The following WDR1 variants were observed in gnomAD, a reference collection of about 807,000 sequenced individuals.
WDR1 encodes the protein WD repeat-containing protein 1.
Under a neutral mutation model 71.9 loss-of-function variants are expected in WDR1, and 21 were observed. The ratio of observed to expected loss-of-function variants is 0.29; its 90% CI spans 0.21 to 0.42. The LOEUF is 0.42. WDR1 is among the 10% of genes least tolerant of loss of function. The pLI is 1.00. For synonymous variants in WDR1, 424 were observed against 347.4 expected, an observed-to-expected ratio of 1.22 and a Z score of -2.45; for missense variants, 696 against 824.5, an observed-to-expected ratio of 0.84 and a Z score of 1.91.
chr4:10,113,564 TTG>T (rs1164107564), intron 2 of WDR1, among the ~76,000 whole-genome samples: 1 of 151,274 alleles, frequency 6.6e-6, no homozygotes, highest in Admixed American at 6.6e-5. Flanking sequence ...GAGGCCTGTC[TTG>T]TGTTTCAGCC....
At position 10,084,534 on chromosome 4, in the gene WDR1, T is replaced by C. The variant is rs982897596; in HGVS notation, c.952-4A>G. Reference sequence around the variant, plus strand: ...ACTGGATCGATTTACTGTGACCCTGTGAAGGAGACACACTGGGCGGGTAAG... The same window carrying C: ...ACTGGATCGATTTACTGTGACCCTGCGAAGGAGACACACTGGGCGGGTAAG... On this transcript the variant is annotated splice_polypyrimidine_tract_variant and splice_region_variant and intron_variant, in intron 8 of 14. Transcript: ENST00000499869. 2 of 1,613,550 alleles carry C rather than the reference T, an allele frequency of 1.2e-6. No individual in the cohort carries two copies. The highest frequency in any genetic ancestry group is 2.7e-5 in the African/African-American group (2 of 74,918).
chr4:10,099,021 C>A lies in WDR1; in HGVS notation c.348G>T (p.Arg116Ser), dbSNP rs1553922409. Residue 116 changes from arginine to serine, a missense_variant, in exon 4 of 15, where the codon AGG (arginine) becomes AGT (serine). Physicochemically the swap from Arg to Ser is moderately radical, Grantham distance 110. Coordinates refer to ENST00000499869, the MANE Select transcript of WDR1 (RefSeq NM_017491.5). ...CCCTTCCTTCCCCGACCACGGCGAT[C>A]CTCTTACTGTCTTCAGTCCAAGCAA... ...KDIAWTEDSKRIAVVGEGREK... is the reference protein window; with the variant it reads ...KDIAWTEDSKSIAVVGEGREK... 6.2e-7 allele frequency: 1 copy of A among 1,614,046 alleles called. No individual in the cohort carries two copies.
At chr4:10,075,788 GGAGT>G (rs1161238553) in intron 14 of WDR1, 2 of 494,066 alleles carry the variant, frequency 4.0e-6, no homozygotes, top group African/African-American at 1.9e-5. Context: ...AAGTTCCACA[GGAGT>G]GAAATAACAA....
chr4:10,116,388 A>G, intron 1 of WDR1, 154 bp from the exon 2 acceptor site: 1 of 1,178,906 alleles, frequency 8.5e-7, no homozygotes, highest in Non-Finnish European at 1.2e-6. Context: ...GAACCGCGCG[A>G]CTTCCTGGTC....
chr4:10,095,716 GTGGA>G (rs1165298090), intron 5 of WDR1, among the ~76,000 whole-genome samples: 2 of 152,364 alleles, frequency 1.3e-5, no homozygotes, highest in African/African-American at 4.8e-5. Flanking sequence ...TCCTGAGCAT[GTGGA>G]TGGTCACTGC....
intron 5 of WDR1, chr4:10,092,645 G>T (rs1712070918): frequency 4.0e-6 from 1 of 248,638 alleles, no homozygotes; most frequent in Non-Finnish European, 8.1e-6. Context: ...GAGTCCAAAT[G>T]CAGACACTGA....
At chr4:10,087,381 T>A (rs1711654155) in intron 8 of WDR1, among the ~76,000 whole-genome samples, 1 of 152,236 alleles carries the variant, frequency 6.6e-6, no homozygotes, top group Non-Finnish European at 1.5e-5. Context: ...GCACTCCCAA[T>A]TCAGGGAAGG....
At chr4:10,104,861 G>A (rs1712925442) in intron 2 of WDR1, among the ~76,000 whole-genome samples, 1 of 152,144 alleles carries the variant, frequency 6.6e-6, no homozygotes, top group Admixed American at 6.5e-5. Flanking sequence ...CCAGCTTGAG[G>A]CTTAGGACAC....
At chr4:10,080,218 A>G (rs1407269808) in intron 11 of WDR1, among the ~76,000 whole-genome samples, 1 of 152,212 alleles carries the variant, frequency 6.6e-6, no homozygotes, top group Non-Finnish European at 1.5e-5. Context: ...AGGGTGGCCT[A>G]TGATGACCAC....
At chr4:10,092,842 C>A (rs1440606913) in intron 5 of WDR1, 2 of 372,824 alleles carry the variant, frequency 5.4e-6, no homozygotes, top group African/African-American at 4.2e-5. Flanking sequence ...TCACCGGCCC[C>A]CTGCCTCTGC....
intron 3 of WDR1, among the ~76,000 whole-genome samples, chr4:10,100,545 G>A (rs1712624268): frequency 6.6e-6 from 1 of 152,248 alleles, no homozygotes; most frequent in Non-Finnish European, 1.5e-5. Context: ...CCTCTGAGAT[G>A]AGGGAGATGC....
Position 10,116,717 on chromosome 4 carries a change from C to T in WDR1, c.-51G>A. The T allele has an allele frequency of 7.6e-7, 1 of 1,318,240 alleles. No individual in the cohort carries two copies. The highest frequency in any genetic ancestry group is 9.7e-7 in the Non-Finnish European group (1 of 1,030,766). The allele number at this position is 1,318,240 out of a possible 1,614,324, so 81.7% of individuals were successfully genotyped here. On this transcript the variant is annotated 5_prime_UTR_variant, in exon 1 of 15. Coordinates refer to ENST00000499869, the MANE Select transcript of WDR1 (RefSeq NM_017491.5). ...GCTCGCCGAGAGCCTCCGGGGCCGG[C>T]CCGCGCTGCGAATTACACCTCGCCG...
chr4:10,106,406 G>C (rs1327992041), intron 2 of WDR1: 1 of 152,328 alleles, frequency 6.6e-6, no homozygotes, highest in Non-Finnish European at 1.5e-5. Context: ...GCCCCTCCAA[G>C]ACCCTGTTCG....
At chr4:10,082,661 C>G (rs1765063913) in intron 10 of WDR1, among the ~76,000 whole-genome samples, 1 of 152,224 alleles carries the variant, frequency 6.6e-6, no homozygotes, top group African/African-American at 2.4e-5. Flanking sequence ...GCCAGGCTCA[C>G]CTAATCCACA....
intron 2 of WDR1, among the ~76,000 whole-genome samples, chr4:10,115,237 G>C (rs1394419433): frequency 1.3e-5 from 2 of 152,222 alleles, no homozygotes; most frequent in Non-Finnish European, 2.9e-5. Flanking sequence ...CTGAGGAAGG[G>C]AAAAGCAAAA....
At chr4:10,106,039 A>C (rs1433382755) in intron 2 of WDR1, among the ~76,000 whole-genome samples, 1 of 151,848 alleles carries the variant, frequency 6.6e-6, no homozygotes, top group East Asian at 1.9e-4. Context: ...CTTCATATGA[A>C]AGAAGATTTT....
intron 3 of WDR1, 31 bp from the exon 4 acceptor site, chr4:10,099,170 G>GGGGGGGGGGGGT: frequency 1.2e-6 from 1 of 801,992 alleles, no homozygotes; most frequent in Non-Finnish European, 2.0e-6. Context: ...GGGAGGGGGG[G>GGGGGGGGGGGGT]AGGCGGTGGT....
chr4:10,116,106 T>C lies in WDR1; in HGVS notation c.138+7A>G, dbSNP rs752080493. ...GCAGAACCGCGCCCGGGGTAGGGGG[T>C]ACTCACGTCGATGTTCCTTAGGATG... On this transcript the variant is annotated splice_region_variant and intron_variant, in intron 2 of 14. Coordinates refer to ENST00000499869, the MANE Select transcript of WDR1 (RefSeq NM_017491.5). The C allele has an allele frequency of 1.5e-5, 24 of 1,611,360 alleles. No homozygotes were observed. Among genetic ancestry groups the C allele is most frequent in the Non-Finnish European group, 1.9e-5 (22 of 1,178,804 alleles).
intron 5 of WDR1, among the ~76,000 whole-genome samples, chr4:10,091,050 C>T (rs557372861): frequency 3.5e-4 from 54 of 152,326 alleles, no homozygotes; most frequent in Non-Finnish European, 6.8e-4. Flanking sequence ...GCCTGCCCCC[C>T]GCACCTGGGT....
Sources: allele counts gnomAD v4.1 joint callset (sites outside exome capture counted in the v4.1 genomes callset), GRCh38; gene constraint gnomAD v4.1.1; transcripts MANE v1.5; gene names NCBI Gene and HGNC (gene_info 2026-07-23, HGNC 2026-07-21).